RBFOX1: variants seen among roughly 807,000 people sequenced by gnomAD.
RBFOX1 encodes RNA binding protein fox-1 homolog 1.
Under a neutral mutation model 57.7 loss-of-function variants are expected in RBFOX1, and 8 were observed. That is an observed-to-expected ratio of 0.14 (90% CI 0.08 to 0.25). The LOEUF (loss-of-function observed/expected upper bound fraction) is 0.25, where lower values mean the gene tolerates loss of function less well. Among genes scored for constraint, RBFOX1 ranks in the 10% least tolerant of loss-of-function variants. RBFOX1 has a pLI of 1.00. For missense variants in RBFOX1, 611 were observed against 548.5 expected (o/e 1.11, Z -1.14); for synonymous variants, 326 against 222.4 (o/e 1.47, Z -4.15).
At chr16:7,288,739 G>A (rs1484511756) in intron 4 of RBFOX1, among the ~76,000 whole-genome samples, 1 of 152,234 alleles carries the variant, frequency 6.6e-6, no homozygotes, top group Admixed American at 6.5e-5. Flanking sequence ...TACATTGGAG[G>A]CTGAGGCAGG....
chr16:7,024,678 C>T lies in RBFOX1; in HGVS notation c.-15-27379C>T, dbSNP rs147176868. Among the ~76,000 whole-genome samples the T allele has an allele frequency of 3.0e-4, 45 of 152,218 alleles. No individual in the cohort carries two copies. The East Asian group carries it at 7.7e-3, about 26-fold the overall frequency. On this transcript the variant is annotated intron_variant, in intron 3 of 15. Coordinates refer to ENST00000550418, the MANE Select transcript of RBFOX1 (RefSeq NM_018723.4). ...CCTGTTCTTTGCAGGCACTTAGATA[C>T]GAATGGAGGAGCCCCAGGCACAAAT...
intron 2 of RBFOX1, among the ~76,000 whole-genome samples, chr16:6,339,434 C>T (rs148960159): frequency 3.3e-5 from 5 of 152,272 alleles, no homozygotes; most frequent in African/African-American, 1.2e-4. Flanking sequence ...ACATCAAATC[C>T]ATCTCCCGGA....
chr16:7,670,799 T>C (rs899842993), intron 13 of RBFOX1, among the ~76,000 whole-genome samples: 6 of 152,202 alleles, frequency 3.9e-5, no homozygotes, highest in Admixed American at 1.3e-4. Context: ...TGGAGAATTT[T>C]ATTTCAAACT....
chr16:6,451,660 C>T (rs561595851), intron 2 of RBFOX1, among the ~76,000 whole-genome samples: 3 of 152,330 alleles, frequency 2.0e-5, no homozygotes, highest in South Asian at 2.1e-4. Flanking sequence ...TATCACCAGC[C>T]TTAGAAGCCT....
At chr16:5,256,447 C>G (rs2151089371) in intron 1 of RBFOX1, among the ~76,000 whole-genome samples, 1 of 152,314 alleles carries the variant, frequency 6.6e-6, no homozygotes, top group African/African-American at 2.4e-5. Context: ...GCCTCAGTCT[C>G]CTCTTCTGGA....
intron 3 of RBFOX1, among the ~76,000 whole-genome samples, chr16:5,763,315 C>T (rs915663129): frequency 1.3e-5 from 2 of 152,202 alleles, no homozygotes; most frequent in African/African-American, 4.8e-5. Context: ...CACAAGAGCG[C>T]TCCTTTGTTC....
At chr16:7,078,648 C>G (rs934213688) in intron 4 of RBFOX1, among the ~76,000 whole-genome samples, 1 of 151,032 alleles carries the variant, frequency 6.6e-6, no homozygotes, top group African/African-American at 2.4e-5. Flanking sequence ...ACACCCAGCC[C>G]GACCCTATTT....
intron 4 of RBFOX1, among the ~76,000 whole-genome samples, chr16:7,403,700 C>G (rs1874264175): frequency 1.3e-5 from 2 of 151,948 alleles, no homozygotes; most frequent in Admixed American, 1.3e-4. Context: ...GCACCTGCCA[C>G]TACTCCATGT....
chr16:5,473,175 G>A (rs1463224368), intron 2 of RBFOX1, among the ~76,000 whole-genome samples: 1 of 151,756 alleles, frequency 6.6e-6, no homozygotes, highest in Admixed American at 6.6e-5. Context: ...TTCCTTTTTT[G>A]TTCTCATGTT....
chr16:6,531,074 C>T (rs1372885305), intron 2 of RBFOX1, among the ~76,000 whole-genome samples: 2 of 152,216 alleles, frequency 1.3e-5, no homozygotes, highest in Non-Finnish European at 1.5e-5. Flanking sequence ...CCAAGCTCAG[C>T]TATTTCTACT....
intron 1 of RBFOX1, among the ~76,000 whole-genome samples, chr16:5,335,896 C>G (rs2064883981): frequency 6.6e-6 from 1 of 152,088 alleles, no homozygotes; most frequent in Admixed American, 6.5e-5. Context: ...GGTAATTATA[C>G]CTGCCATATA....
At chr16:7,250,059 C>T (rs543991688) in intron 4 of RBFOX1, among the ~76,000 whole-genome samples, 1 of 152,120 alleles carries the variant, frequency 6.6e-6, no homozygotes, top group Non-Finnish European at 1.5e-5. Flanking sequence ...CTCTAAGAAT[C>T]CCTCCCCCTT....
At chr16:7,342,212 C>T (rs974990104) in intron 4 of RBFOX1, among the ~76,000 whole-genome samples, 4 of 152,162 alleles carry the variant, frequency 2.6e-5, no homozygotes, top group African/African-American at 9.7e-5. Flanking sequence ...ACTTCCTCAT[C>T]TGTAAAATGG....
intron 2 of RBFOX1, among the ~76,000 whole-genome samples, chr16:6,534,320 T>C (rs2096705928): frequency 6.6e-6 from 1 of 152,100 alleles, no homozygotes; most frequent in African/African-American, 2.4e-5. Flanking sequence ...AGAGAAGTTA[T>C]CCACCAAAGA....
chr16:6,619,394 G>T (rs2098192562), intron 2 of RBFOX1, among the ~76,000 whole-genome samples: 1 of 152,174 alleles, frequency 6.6e-6, no homozygotes, highest in African/African-American at 2.4e-5. Flanking sequence ...CATAAAAGGT[G>T]GGAGGGCTTG....
intron 3 of RBFOX1, among the ~76,000 whole-genome samples, chr16:5,856,575 G>GTATATATATATATATATGTATATA (rs2057071482): frequency 6.1e-5 from 2 of 32,926 alleles, no homozygotes; most frequent in African/African-American, 2.5e-4. Context: ...GTGTGTGTGT[G>GTATATATATATATATATGTATATA]TATATATATA....
At chr16:7,193,369 C>T (rs966518903) in intron 4 of RBFOX1, among the ~76,000 whole-genome samples, 6 of 152,162 alleles carry the variant, frequency 3.9e-5, no homozygotes, top group African/African-American at 1.4e-4. Flanking sequence ...GAACATGCCC[C>T]ACAAACTCCT....
intron 1 of RBFOX1, among the ~76,000 whole-genome samples, chr16:5,414,259 A>C (rs903632126): frequency 6.6e-6 from 1 of 152,120 alleles, no homozygotes; most frequent in Non-Finnish European, 1.5e-5. Context: ...GTTGTTGTAA[A>C]GGAGTCTGTA....
At chr16:5,759,715 A>G (rs1389380656) in intron 3 of RBFOX1, among the ~76,000 whole-genome samples, 8 of 152,192 alleles carry the variant, frequency 5.3e-5, no homozygotes, top group African/African-American at 1.9e-4. Context: ...GTCTTTCTCT[A>G]AAAAGATGGC....
Sources: allele counts gnomAD v4.1 joint callset (sites outside exome capture counted in the v4.1 genomes callset), GRCh38; gene constraint gnomAD v4.1.1; transcripts MANE v1.5; gene names NCBI Gene and HGNC (gene_info 2026-07-23, HGNC 2026-07-21).